Variants in BAZ2B observed in about 807,000 individuals in gnomAD.
BAZ2B encodes the protein bromodomain adjacent to zinc finger domain protein 2B.
BAZ2B carries 91 observed loss-of-function variants against 246.0 expected under a neutral mutation model. That is an observed-to-expected ratio of 0.37 (90% CI 0.31 to 0.44). The LOEUF (loss-of-function observed/expected upper bound fraction) is 0.44, where lower values mean the gene tolerates loss of function less well. Ranked by LOEUF, BAZ2B falls within the 20% of genes least tolerant of loss-of-function variation. BAZ2B has a pLI of 1.00. For synonymous variants in BAZ2B, 855 were observed against 860.0 expected, an observed-to-expected ratio of 0.99 and a Z score of 0.10; for missense variants, 2,332 against 2,533.7, an observed-to-expected ratio of 0.92 and a Z score of 1.71.
chr2:159,469,272 A>G (rs1050583174), intron 3 of BAZ2B, among the ~76,000 whole-genome samples: 4 of 152,094 alleles, frequency 2.6e-5, no homozygotes, highest in African/African-American at 9.7e-5. Flanking sequence ...TCTACCAATC[A>G]TACAGACATT....
chr2:159,679,464 A>T, the BAZ2B span, among the ~76,000 whole-genome samples: 1 of 152,076 alleles, frequency 6.6e-6, no homozygotes, highest in South Asian at 2.1e-4. Flanking sequence ...TCATCCATGG[A>T]AGAACATGTG....
the BAZ2B span, chr2:159,694,642 T>C: frequency 6.6e-6 from 1 of 152,248 alleles, no homozygotes; most frequent in African/African-American, 2.4e-5. Flanking sequence ...GGTTCATCCA[T>C]GTTGCAGCAT....
intron 16 of BAZ2B, 25 bp from the exon 17 acceptor site, chr2:159,400,689 G>C: frequency 7.7e-7 from 1 of 1,304,946 alleles, no homozygotes; most frequent in Non-Finnish European, 1.1e-6. Context: ...ATGATAACTT[G>C]AGATAATAAA....
intron 2 of BAZ2B, among the ~76,000 whole-genome samples, chr2:159,542,955 C>A (rs1028690990): frequency 1.3e-5 from 2 of 152,174 alleles, no homozygotes; most frequent in Non-Finnish European, 2.9e-5. Context: ...GGGTTTGAAT[C>A]CTAAACTTCA....
chr2:159,408,640 C>T (rs368406458), intron 14 of BAZ2B, among the ~76,000 whole-genome samples: 2 of 152,008 alleles, frequency 1.3e-5, no homozygotes, highest in South Asian at 2.1e-4. Flanking sequence ...AGAAAAAGGC[C>T]GGGCGCAGCA....
At chr2:159,432,137 T>A (rs765919829) in intron 9 of BAZ2B, among the ~76,000 whole-genome samples, 7 of 152,266 alleles carry the variant, frequency 4.6e-5, no homozygotes, top group Admixed American at 2.0e-4. Context: ...CCACAAACAT[T>A]TATAATATGT....
intron 1 of BAZ2B, among the ~76,000 whole-genome samples, chr2:159,591,100 T>A (rs1559853802): frequency 6.6e-6 from 1 of 152,120 alleles, no homozygotes; most frequent in East Asian, 1.9e-4. Flanking sequence ...TAATATCAAA[T>A]CTCATTGCCT....
chr2:159,615,788 G>A (rs939887035), intron 1 of BAZ2B: 1 of 152,340 alleles, frequency 6.6e-6, no homozygotes, highest in African/African-American at 2.4e-5. Flanking sequence ...GGAAGCCGAA[G>A]GGGAAGAGGA....
At chr2:159,534,379 A>G (rs1398926271) in intron 2 of BAZ2B, among the ~76,000 whole-genome samples, 2 of 152,244 alleles carry the variant, frequency 1.3e-5, no homozygotes, top group African/African-American at 4.8e-5. Context: ...CCTGTACAGC[A>G]TGATACTGTA....
At chr2:159,360,754 T>C (rs1054237977) in intron 27 of BAZ2B, among the ~76,000 whole-genome samples, 6 of 152,032 alleles carry the variant, frequency 3.9e-5, no homozygotes, top group Admixed American at 6.6e-5. Flanking sequence ...AAAACAGATA[T>C]ATAGAACAGT....
chr2:159,499,318 C>T (rs2081471364), intron 2 of BAZ2B, among the ~76,000 whole-genome samples: 1 of 152,184 alleles, frequency 6.6e-6, no homozygotes, highest in Non-Finnish European at 1.5e-5. Context: ...GGGATAATGG[C>T]TTCGAACTCC....
rs779197676 is a variant in BAZ2B at position 159,349,001 on chromosome 2, A to G, written c.5137+6T>C. 1 of 1,613,434 alleles carries G rather than the reference A, an allele frequency of 6.2e-7. No homozygotes were observed. On this transcript the variant is annotated splice_donor_region_variant and intron_variant, in intron 29 of 36. Coordinates refer to ENST00000392783, the MANE Select transcript of BAZ2B (RefSeq NM_013450.4). ...AAGTGGCTGTAAACCATCTCAATGT[A>G]CCTACCTTCTGGAATAGGTTTTGGA...
the BAZ2B span, among the ~76,000 whole-genome samples, chr2:159,679,530 G>A: frequency 6.6e-6 from 1 of 152,084 alleles, no homozygotes; most frequent in Non-Finnish European, 1.5e-5. Context: ...GTTCTCTTCT[G>A]TTGAATAATT....
At chr2:159,440,142 T>G (rs1032286830) in intron 6 of BAZ2B, among the ~76,000 whole-genome samples, 16 of 152,258 alleles carry the variant, frequency 1.1e-4, no homozygotes, top group Non-Finnish European at 4.4e-5. Context: ...TTCATAATTA[T>G]TTAACAATGG....
intron 1 of BAZ2B, among the ~76,000 whole-genome samples, chr2:159,569,752 G>T (rs1273376218): frequency 3.9e-5 from 6 of 152,024 alleles, no homozygotes; most frequent in Non-Finnish European, 2.9e-5. Flanking sequence ...TTGAGCCCAG[G>T]AGTTTGAGAC....
chr2:159,412,321 A>T lies in BAZ2B; in HGVS notation c.2677+14T>A. 6.2e-7 allele frequency: 1 copy of T among 1,612,228 alleles called. No homozygotes were observed. Among genetic ancestry groups the T allele is most frequent in the Admixed American group, 1.7e-5 (1 of 60,012 alleles). On this transcript the variant is annotated intron_variant, in intron 14 of 36. Transcript: ENST00000392783. The stretch of plus-strand genomic sequence containing the variant: ...TAGTATGATTATTAGTGTCAGACAC[A>T]TTATGTTTCTTACCTTGAGCTTGCA...
chr2:159,362,442 C>T (rs541953931), intron 27 of BAZ2B, among the ~76,000 whole-genome samples: 55 of 152,188 alleles, frequency 3.6e-4, no homozygotes, highest in African/African-American at 1.3e-3. Context: ...TACAGTGTTT[C>T]GTCTCTTGGA....
the BAZ2B span, among the ~76,000 whole-genome samples, chr2:159,634,378 C>T: frequency 6.6e-6 from 1 of 152,214 alleles, no homozygotes; most frequent in Non-Finnish European, 1.5e-5. Flanking sequence ...CTGTCAAGCA[C>T]TTCCCCCCTT....
At chr2:159,658,034 C>A in the BAZ2B span, among the ~76,000 whole-genome samples, 1 of 152,186 alleles carries the variant, frequency 6.6e-6, no homozygotes, top group African/African-American at 2.4e-5. Context: ...AGCATCTATT[C>A]TCTCACTATT....
Sources: gnomAD v4.1 joint callset for allele counts (sites outside exome capture counted in the v4.1 genomes callset) on GRCh38, gnomAD v4.1.1 for gene constraint, MANE v1.5 for transcripts, NCBI Gene and HGNC (gene_info 2026-07-23, HGNC 2026-07-21) for gene names.